AHDC1: variants seen among roughly 807,000 people sequenced by gnomAD.
AHDC1 encodes AT-hook DNA binding motif containing 1, also known as transcription factor Gibbin.
In AHDC1, 7 loss-of-function variants were observed where a neutral mutation model predicts 87.9. The observed-to-expected ratio is 0.08, with a 90% CI of 0.05 to 0.15. The LOEUF (loss-of-function observed/expected upper bound fraction) is 0.15. AHDC1 is among the 10% of genes least tolerant of loss of function. AHDC1 has a pLI of 1.00. For synonymous variants in AHDC1, 1,051 were observed against 1,006.8 expected (o/e 1.04, Z -0.83); for missense variants, 1,841 against 2,253.2 (o/e 0.82, Z 3.70).
chr1:27,540,759 G>A (rs776242940), intron 8 of AHDC1, among the ~76,000 whole-genome samples: 2 of 152,004 alleles, frequency 1.3e-5, no homozygotes, highest in Admixed American at 6.6e-5. Flanking sequence ...GGCTGTTAAG[G>A]GAGGGTGTGT....
rs767492928 is a variant in AHDC1 at position 27,551,640 on chromosome 1, G to A, written c.476C>T (p.Pro159Leu). ...GAAGCTGTACTGTAGGTCGCCGGGT[G>A]GCGGTGCAGGCGGGCGGCTCAGTCG... The part of the protein sequence containing the change: ...GLRLSRPPAP[P>L]PGDLQYSFFS... Residue 159 changes from proline (P) to leucine (L), a missense_variant, in exon 8 of 9, where the codon CCA (proline) becomes CTA (leucine). This residue lies in a region of AHDC1 where 50 missense variants were observed against 104.3 expected (regional missense o/e 0.48). Coordinates refer to ENST00000673934, the MANE Select transcript of AHDC1 (RefSeq NM_001371928.1). 2 of 1,613,656 alleles carry A rather than the reference G, an allele frequency of 1.2e-6. No homozygotes were observed. The highest frequency in any genetic ancestry group is 8.5e-7 in the Non-Finnish European group (1 of 1,179,736).
In AHDC1 at chr1:27,561,870, G is replaced by A. The variant is rs1401734872; in HGVS notation, c.-628-2987C>T. ...AAAGCAGAGACGGACTGGTGATGAG[G>A]GGCTCATGGAAGAAGGGAGATGGAG... On this transcript the variant is annotated intron_variant, in intron 3 of 8. Transcript: ENST00000673934. This position sits in a 1 kb window ranked among gnomAD's most constrained non-coding sequence, Gnocchi z 4.2. 2.0e-5 allele frequency among the ~76,000 whole-genome samples: 3 copies of A among 152,122 alleles called. No homozygotes were observed. The highest frequency in any genetic ancestry group is 4.4e-5 in the Non-Finnish European group (3 of 68,014).
At position 27,534,431 on chromosome 1, in the gene AHDC1, C is replaced by G. The variant is rs1156603968; in HGVS notation, c.*529G>C. The G allele has an allele frequency of 6.6e-6, 1 of 151,742 alleles. No homozygotes were observed. Among genetic ancestry groups the G allele is most frequent in the Non-Finnish European group, 1.5e-5 (1 of 67,928 alleles). 9.4% of individuals were successfully genotyped at this position (151,742 alleles called of 1,614,324 possible). A position where few individuals can be genotyped will look rare whatever the true frequency, so the allele number is the denominator to read the frequency against. ...GCTCCCGCAAGAGGTTCTTCTCCCT[C>G]CCCCCCACCATGCGAATTTGCACAC... On this transcript the variant is annotated 3_prime_UTR_variant, in exon 9 of 9. Transcript: ENST00000673934.
intron 8 of AHDC1, among the ~76,000 whole-genome samples, chr1:27,536,749 T>A (rs1181951899): frequency 1.3e-5 from 2 of 152,080 alleles, no homozygotes; most frequent in Non-Finnish European, 2.9e-5. Flanking sequence ...GACTTTAGGA[T>A]GGGCTGCTCC....
At position 27,548,697 on chromosome 1, in the gene AHDC1, T is replaced by C. The variant is rs149166074; in HGVS notation, c.3419A>G (p.Asn1140Ser). The change falls in exon 8 of 9, where the codon AAC (asparagine) becomes AGC (serine). Residue 1140 changes from asparagine to serine, a missense_variant. By Grantham distance (46) the Asn-to-Ser change is conservative (BLOSUM62 1). This residue lies in a region of AHDC1 where 4 missense variants were observed against 16.3 expected (regional missense o/e 0.25). Coordinates refer to ENST00000673934, the MANE Select transcript of AHDC1 (RefSeq NM_001371928.1). ...GTAGTTGGAGATGTCCAGGATCACG[T>C]TGGGCTCGCTGACGTGGCAGTCAAA... ...PSFDCHVSEP[N>S]VILDISNYTP... is the part of the protein sequence containing the mutation. 1.2e-5 allele frequency: 20 copies of C among 1,613,234 alleles called. No individual in the cohort carries two copies. Among genetic ancestry groups the C allele is most frequent in the African/African-American group, 6.7e-5 (5 of 74,942 alleles).
intron 3 of AHDC1, among the ~76,000 whole-genome samples, chr1:27,586,598 C>T (rs2089065587): frequency 6.6e-6 from 1 of 152,184 alleles, no homozygotes; most frequent in Admixed American, 6.5e-5. Context: ...CTTAAAGGGG[C>T]CCTTGAAGCC....
intron 8 of AHDC1, among the ~76,000 whole-genome samples, chr1:27,543,438 A>C (rs2019018649): frequency 6.6e-6 from 1 of 152,230 alleles, no homozygotes. Flanking sequence ...CAGATCAGTC[A>C]GGCTCCACAT....
Position 27,565,184 on chromosome 1 carries a change from C to G in AHDC1, c.-628-6301G>C, listed in dbSNP as rs2020265359. Reference sequence around the variant, plus strand: ...CGATGCCAGCTTTGTTCCCCCCACCCACCCGCCGAGGGGGCCCAGCATGCC... The same window carrying G: ...CGATGCCAGCTTTGTTCCCCCCACCGACCCGCCGAGGGGGCCCAGCATGCC... On this transcript the variant is annotated intron_variant, in intron 3 of 8. Transcript: ENST00000673934. This position sits in a 1 kb window ranked among gnomAD's most constrained non-coding sequence, Gnocchi z 4.6. Among the ~76,000 whole-genome samples the G allele has an allele frequency of 6.6e-6, 1 of 152,166 alleles. No homozygotes were observed. Among genetic ancestry groups the G allele is most frequent in the Admixed American group, 6.5e-5 (1 of 15,282 alleles).
chr1:27,594,155 T>C (rs959687640), intron 3 of AHDC1, among the ~76,000 whole-genome samples: 3 of 152,126 alleles, frequency 2.0e-5, no homozygotes, highest in Non-Finnish European at 4.4e-5. Flanking sequence ...ATGGTGGAGA[T>C]TCCGTTTAAA....
chr1:27,538,206 A>C (rs753250123), intron 8 of AHDC1, among the ~76,000 whole-genome samples: 44 of 152,008 alleles, frequency 2.9e-4, no homozygotes, highest in Non-Finnish European at 5.7e-4. Context: ...GCTCAAGACC[A>C]GTCTGGCCAA....
At chr1:27,574,547 A>G (rs1231275962) in intron 3 of AHDC1, among the ~76,000 whole-genome samples, 1 of 152,198 alleles carries the variant, frequency 6.6e-6, no homozygotes, top group African/African-American at 2.4e-5. Flanking sequence ...GCGAGTGGCA[A>G]CTGTGGCATA....
rs2089188156 is a variant in AHDC1 at position 27,590,260 on chromosome 1, G to A, written c.-629+13137C>T. 6.6e-6 allele frequency among the ~76,000 whole-genome samples: 1 copy of A among 152,210 alleles called. No homozygotes were observed. Among genetic ancestry groups the A allele is most frequent in the Non-Finnish European group, 1.5e-5 (1 of 68,014 alleles). On this transcript the variant is annotated intron_variant, in intron 3 of 8. Coordinates refer to ENST00000673934, the MANE Select transcript of AHDC1 (RefSeq NM_001371928.1). This position sits in a 1 kb window ranked among gnomAD's most constrained non-coding sequence, Gnocchi z 5.4. Reference sequence around the variant, plus strand: ...ACCCGCCAGGATGCCTGGGTCCCTGGGGCCAGGCAGCAGCGAGTTCCCTGG... The same window carrying A: ...ACCCGCCAGGATGCCTGGGTCCCTGAGGCCAGGCAGCAGCGAGTTCCCTGG...
intron 3 of AHDC1, among the ~76,000 whole-genome samples, chr1:27,585,430 G>C (rs1557700598): frequency 6.6e-6 from 1 of 152,012 alleles, no homozygotes; most frequent in Non-Finnish European, 1.5e-5. Flanking sequence ...TAATAAAAGG[G>C]CTGCAATAAT....
chr1:27,550,852 GCCC>G lies in AHDC1; in HGVS notation c.1261_1263del (p.Gly421del), dbSNP rs777825288. The G allele has an allele frequency of 3.8e-6, 6 of 1,574,152 alleles. No homozygotes were observed. In the South Asian group the frequency reaches 6.9e-5, roughly 18 times the overall value. ...GGGGGTTCGGCCAGGGCAGCCACCA[GCCC>G]CGTGGGCATAGGCAGGGGCAGTAGG... On this transcript the variant is annotated inframe_deletion, in exon 8 of 9. Coordinates refer to ENST00000673934, the MANE Select transcript of AHDC1 (RefSeq NM_001371928.1).
chr1:27,539,364 T>C lies in AHDC1; in HGVS notation c.*44-4448A>G, dbSNP rs895482675. Among the ~76,000 whole-genome samples, 12 of 152,088 alleles carry C rather than the reference T, an allele frequency of 7.9e-5. No individual in the cohort carries two copies. The South Asian group carries it at 2.5e-3, about 32-fold the overall frequency. ...GTTGCCCAGGCTGGTCTCAAACTCC[T>C]GGGCTCAAGCGATCCTCCCACCTCG... On this transcript the variant is annotated intron_variant, in intron 8 of 8. Transcript: ENST00000673934.
rs1053429118 is a variant in AHDC1, at chr1:27,603,499, G to A, written c.-726-5C>T. Reference sequence around the variant, plus strand: ...AGCGACGCGGGCGCCCGGCTGCTGAGGAGAGGAGTCGTGGAGGAGCCCTGA... The same window carrying A: ...AGCGACGCGGGCGCCCGGCTGCTGAAGAGAGGAGTCGTGGAGGAGCCCTGA... On this transcript the variant is annotated splice_polypyrimidine_tract_variant and splice_region_variant and intron_variant, in intron 2 of 8. Coordinates refer to ENST00000673934, the MANE Select transcript of AHDC1 (RefSeq NM_001371928.1). 6.6e-6 allele frequency: 1 copy of A among 152,632 alleles called. No homozygotes were observed. The highest frequency in any genetic ancestry group is 2.4e-5 in the African/African-American group (1 of 41,460). 9.5% of individuals were successfully genotyped at this position (152,632 alleles called of 1,614,324 possible).
chr1:27,601,175 G>GT (rs1242593410), intron 3 of AHDC1, among the ~76,000 whole-genome samples: 2 of 152,188 alleles, frequency 1.3e-5, no homozygotes, highest in Non-Finnish European at 2.9e-5. Flanking sequence ...CATCACATTT[G>GT]TTTCTCTCTA....
At chr1:27,580,386 C>T (rs1232966062) in intron 3 of AHDC1, among the ~76,000 whole-genome samples, 11 of 152,192 alleles carry the variant, frequency 7.2e-5, no homozygotes, top group Non-Finnish European at 4.4e-5. Flanking sequence ...CTACCTGATG[C>T]GTCGTCTCTC....
chr1:27,542,687 G>A (rs2018982076), intron 8 of AHDC1, among the ~76,000 whole-genome samples: 1 of 152,254 alleles, frequency 6.6e-6, no homozygotes, highest in Admixed American at 6.5e-5. Flanking sequence ...ACTGGGTTGT[G>A]CATAGAGGCC....
Sources: gnomAD v4.1 joint callset for allele counts (sites outside exome capture counted in the v4.1 genomes callset) on GRCh38, gnomAD v4.1.1 for gene constraint, gnomAD v4.1.1 regional missense constraint, Gnocchi (gnomAD v3.1) non-coding constraint, MANE v1.5 for transcripts, NCBI Gene and HGNC (gene_info 2026-07-23, HGNC 2026-07-21) for gene names.